Variants in IMMP2L observed in about 807,000 individuals in gnomAD.
The protein encoded by IMMP2L is mitochondrial inner membrane protease subunit 2.
Under a neutral mutation model 19.3 loss-of-function variants are expected in IMMP2L, and 18 were observed. The observed-to-expected ratio is 0.93, with a 90% CI of 0.64 to 1.38. The LOEUF is 1.38. Ranked by LOEUF, IMMP2L falls within the 40% of genes most tolerant of loss-of-function variation. The pLI is 0.00. For synonymous variants in IMMP2L, 76 were observed against 73.0 expected (o/e 1.04, Z -0.21); for missense variants, 233 against 218.2 (o/e 1.07, Z -0.43).
chr7:110,765,409 A>AG (rs774158528), intron 5 of IMMP2L, among the ~76,000 whole-genome samples: 1 of 152,168 alleles, frequency 6.6e-6, no homozygotes, highest in Non-Finnish European at 1.5e-5. Context: ...GGGCTGAAGA[A>AG]GTTATCATGA....
intron 5 of IMMP2L, among the ~76,000 whole-genome samples, chr7:110,749,798 T>A (rs1334709477): frequency 6.6e-6 from 1 of 152,014 alleles, no homozygotes; most frequent in Non-Finnish European, 1.5e-5. Context: ...CTAACGTAGA[T>A]GATGGGTTGA....
intron 5 of IMMP2L, among the ~76,000 whole-genome samples, chr7:110,684,437 T>TA (rs1792959342): frequency 6.6e-6 from 1 of 152,062 alleles, no homozygotes; most frequent in Non-Finnish European, 1.5e-5. Flanking sequence ...TGGTATGGAT[T>TA]ATATATAACT....
At chr7:110,713,652 GT>G (rs34712036) in intron 5 of IMMP2L, among the ~76,000 whole-genome samples, 53,475 of 141,782 alleles carry the variant, frequency 0.38, 10,532 homozygotes, top group East Asian at 0.61. Context: ...ATTTTTAGGT[GT>G]TTTTTTTTTT....
intron 2 of IMMP2L, among the ~76,000 whole-genome samples, chr7:111,496,901 G>C (rs1261440775): frequency 6.9e-6 from 1 of 145,490 alleles, no homozygotes; most frequent in African/African-American, 2.8e-5. Flanking sequence ...TAGATACATA[G>C]ATAGATAGAT....
chr7:111,138,211 T>G (rs1178207703), intron 3 of IMMP2L, among the ~76,000 whole-genome samples: 3 of 152,214 alleles, frequency 2.0e-5, no homozygotes, highest in Admixed American at 2.0e-4. Flanking sequence ...TTAGTGAATG[T>G]GAATAATGTC....
At chr7:110,952,994 A>T (rs936626051) in intron 4 of IMMP2L, among the ~76,000 whole-genome samples, 2 of 152,100 alleles carry the variant, frequency 1.3e-5, no homozygotes, top group Non-Finnish European at 2.9e-5. Flanking sequence ...CTTACTAAGC[A>T]GGCAATTCTG....
At chr7:111,134,788 C>A (rs561842472) in intron 3 of IMMP2L, among the ~76,000 whole-genome samples, 1 of 151,988 alleles carries the variant, frequency 6.6e-6, no homozygotes, top group African/African-American at 2.4e-5. Flanking sequence ...TCACATCCAC[C>A]TTCCTGTGAC....
Position 110,670,626 on chromosome 7 carries a change from G to A in IMMP2L, c.409-6905C>T, listed in dbSNP as rs185764556. 3.3e-5 allele frequency among the ~76,000 whole-genome samples: 5 copies of A among 149,644 alleles called. No individual in the cohort carries two copies. The East Asian group carries it at 1.0e-3, about 30-fold the overall frequency. ...AATTGCTTGAACCCAGGAGTCAGAG[G>A]TTGCAGTGAGCTGAGATCATGCCAC... is the stretch of plus-strand genomic sequence containing the variant. On this transcript the variant is annotated intron_variant, in intron 5 of 5. Transcript: ENST00000405709.
chr7:111,117,916 G>C (rs896762412), intron 3 of IMMP2L, among the ~76,000 whole-genome samples: 2 of 152,030 alleles, frequency 1.3e-5, no homozygotes, highest in African/African-American at 4.8e-5. Context: ...CAAAGAAGAA[G>C]GCACACTTTG....
Position 110,887,272 on chromosome 7 carries a change from C to T in IMMP2L, c.306-577G>A, listed in dbSNP as rs548598817. On this transcript the variant is annotated intron_variant, in intron 4 of 5. Transcript: ENST00000405709. ...ATTTTTAACCAGCACTAAAGTATTC[C>T]TAAAAATGAAATTTTTTTAACAATT... Among the ~76,000 whole-genome samples, 167 of 152,114 alleles carry T rather than the reference C, an allele frequency of 1.1e-3. 3 individuals carry two copies. The South Asian group carries it at 0.011, about 10-fold the overall frequency.
At chr7:110,936,138 A>G (rs1816087043) in intron 4 of IMMP2L, among the ~76,000 whole-genome samples, 2 of 152,268 alleles carry the variant, frequency 1.3e-5, no homozygotes, top group Admixed American at 6.5e-5. Flanking sequence ...CATAGGCATG[A>G]GCAAAGACTT....
At position 111,012,603 on chromosome 7, in the gene IMMP2L, T is replaced by G. The variant is rs1198219199; in HGVS notation, c.240-49038A>C. Among the ~76,000 whole-genome samples, 3 of 152,306 alleles carry G rather than the reference T, an allele frequency of 2.0e-5. No homozygotes were observed. In the East Asian group the frequency reaches 5.8e-4, roughly 29 times the overall value. On this transcript the variant is annotated intron_variant, in intron 3 of 5. Transcript: ENST00000405709. Reference sequence around the variant, plus strand: ...AACCAACCTTAACAGAAATTATGTTTTAGAAGGCCAATAAATATAGATTTA... The same window carrying G: ...AACCAACCTTAACAGAAATTATGTTGTAGAAGGCCAATAAATATAGATTTA...
At chr7:111,552,470 TAG>T (rs1237214983) in intron 1 of IMMP2L, among the ~76,000 whole-genome samples, 3 of 152,140 alleles carry the variant, frequency 2.0e-5, no homozygotes, top group Non-Finnish European at 2.9e-5. Flanking sequence ...GTATTTTTAG[TAG>T]AGACAGAGTT....
At chr7:110,880,625 G>C (rs1387074131) in intron 5 of IMMP2L, among the ~76,000 whole-genome samples, 2 of 151,324 alleles carry the variant, frequency 1.3e-5, no homozygotes, top group Non-Finnish European at 2.9e-5. Context: ...ATTTTTCTAT[G>C]TACACTCAGT....
chr7:111,325,595 T>C (rs1021892709), intron 3 of IMMP2L, among the ~76,000 whole-genome samples: 1 of 151,758 alleles, frequency 6.6e-6, no homozygotes, highest in Non-Finnish European at 1.5e-5. Flanking sequence ...GTTTTAATAG[T>C]ATAAATCCTT....
At chr7:111,362,107 C>T (rs1043117581) in intron 3 of IMMP2L, among the ~76,000 whole-genome samples, 1 of 151,906 alleles carries the variant, frequency 6.6e-6, no homozygotes, top group African/African-American at 2.4e-5. Context: ...AATCTAACTT[C>T]CACAGTAATC....
At chr7:110,931,875 A>G (rs1815530048) in intron 4 of IMMP2L, among the ~76,000 whole-genome samples, 1 of 152,136 alleles carries the variant, frequency 6.6e-6, no homozygotes, top group Admixed American at 6.5e-5. Context: ...TTACTCAGAC[A>G]GACCAATCTC....
chr7:110,694,734 T>C (rs1793753108), intron 5 of IMMP2L, among the ~76,000 whole-genome samples: 1 of 152,204 alleles, frequency 6.6e-6, no homozygotes, highest in South Asian at 2.1e-4. Context: ...CCTAGGTATA[T>C]ATCAAGAATT....
intron 3 of IMMP2L, among the ~76,000 whole-genome samples, chr7:111,076,612 C>T (rs1795437431): frequency 6.6e-6 from 1 of 152,200 alleles, no homozygotes; most frequent in Non-Finnish European, 1.5e-5. Flanking sequence ...CATTAGCCTT[C>T]TGTCTCTCAA....
Sources: gnomAD v4.1 joint callset for allele counts (sites outside exome capture counted in the v4.1 genomes callset) on GRCh38, gnomAD v4.1.1 for gene constraint, MANE v1.5 for transcripts, NCBI Gene and HGNC (gene_info 2026-07-23, HGNC 2026-07-21) for gene names.